BRCA2: variants seen among roughly 807,000 people sequenced by gnomAD.
The protein encoded by BRCA2 is BRCA2 DNA repair associated, also known as breast cancer type 2 susceptibility protein.
In BRCA2, 203 loss-of-function variants were observed where a neutral mutation model predicts 276.7. The observed-to-expected ratio is 0.73, with a 90% CI of 0.65 to 0.82. BRCA2 has a LOEUF of 0.82. BRCA2 is among the 40% of genes least tolerant of loss of function. The pLI is 0.00. For synonymous variants in BRCA2, 1,289 were observed against 1,338.4 expected, an observed-to-expected ratio of 0.96 and a Z score of 0.81; for missense variants, 3,920 against 3,915.0, an observed-to-expected ratio of 1.00 and a Z score of -0.03.
intron 20 of BRCA2, chr13:32,375,286 C>T: frequency 5.3e-6 from 2 of 378,086 alleles, no homozygotes; most frequent in South Asian, 4.3e-5. Flanking sequence ...AATTCAGTCA[C>T]ATCTTCAGGC....
intron 24 of BRCA2, among the ~76,000 whole-genome samples, chr13:32,383,252 C>T (rs1040709922): frequency 1.3e-5 from 2 of 150,084 alleles, no homozygotes; most frequent in African/African-American, 2.4e-5. Context: ...CTCAGCTACT[C>T]GGGAGGCAGA....
Position 32,339,432 on chromosome 13 carries a change from C to CT in BRCA2, c.5079dup (p.Arg1694Ter), listed in dbSNP as rs1198183540. ...TTCATTACTTGAAGCAAAAAAATGG[C>CT]TTAGAGAAGGAATATTTGATGGTCA... is the stretch of plus-strand genomic sequence containing the variant. On this transcript the variant is annotated frameshift_variant, in exon 11 of 27. Coordinates refer to ENST00000380152, the MANE Select transcript of BRCA2 (RefSeq NM_000059.4). LOFTEE classifies it high-confidence loss of function. 1 of 1,592,202 alleles carries CT rather than the reference C, an allele frequency of 6.3e-7. No homozygotes were observed. The highest frequency in any genetic ancestry group is 2.2e-5 in the East Asian group (1 of 44,634).
chr13:32,322,243 A>C (rs779438752), intron 3 of BRCA2, among the ~76,000 whole-genome samples: 10 of 152,236 alleles, frequency 6.6e-5, no homozygotes, highest in Non-Finnish European at 1.0e-4. Context: ...AATCATACAG[A>C]ATATAGCATT....
At position 32,363,417 on chromosome 13, in the gene BRCA2, G is replaced by A. The variant is rs80359069; in HGVS notation, c.8215G>A (p.Val2739Ile). ...CCAGTTAGATCCTCCCCTCTTAGCT[G>A]TCTTAAAGAATGGCAGACTGACAGT... ...KAQLDPPLLA[V>I]LKNGRLTVGQ... The change falls in exon 18 of 27, where the codon GTC (valine) becomes ATC (isoleucine). Residue 2739 changes from valine to isoleucine, a missense_variant. Physicochemically the swap from Val to Ile is conservative, Grantham distance 29. Transcript: ENST00000380152. The A allele has an allele frequency of 1.9e-5, 31 of 1,614,052 alleles. No homozygotes were observed. The Admixed American group carries it at 2.2e-4, about 11-fold the overall frequency.
At chr13:32,358,613 G>A (rs780882224) in intron 16 of BRCA2, among the ~76,000 whole-genome samples, 1 of 150,664 alleles carries the variant, frequency 6.6e-6, no homozygotes, top group Non-Finnish European at 1.5e-5. Context: ...GCAACATGGT[G>A]AAAACCCATC....
intron 12 of BRCA2, among the ~76,000 whole-genome samples, chr13:32,345,068 G>T (rs1177070582): frequency 6.6e-6 from 1 of 151,992 alleles, no homozygotes; most frequent in Admixed American, 6.6e-5. Context: ...CCAGATACAA[G>T]CTTCCCAAAA....
In BRCA2 at chr13:32,340,527, T is replaced by C. The variant is rs80358857; in HGVS notation, c.6172T>C (p.Phe2058Leu). ...NVVNSSAFSG[F>L]STASGKQVSI... ...GGTAAATTCATCTGCTTTCTCTGGA[T>C]TTAGTACAGCAAGTGGAAAGCAAGT... is the stretch of plus-strand genomic sequence containing the variant. The change falls in exon 11 of 27, where the codon TTT (phenylalanine) becomes CTT (leucine). Residue 2058 changes from phenylalanine to leucine, a missense_variant. This residue lies in a region of BRCA2 where 3,263 missense variants were observed against 3,156.9 expected (regional missense o/e 1.03). Coordinates refer to ENST00000380152, the MANE Select transcript of BRCA2 (RefSeq NM_000059.4). 1.2e-6 allele frequency: 2 copies of C among 1,613,548 alleles called. No homozygotes were observed. The highest frequency in any genetic ancestry group is 4.5e-5 in the East Asian group (2 of 44,830).
intron 12 of BRCA2, among the ~76,000 whole-genome samples, chr13:32,345,906 T>G (rs2072608154): frequency 6.6e-6 from 1 of 152,030 alleles, no homozygotes; most frequent in Admixed American, 6.6e-5. Context: ...ATTTTCAGAT[T>G]AGGGATACTC....
intron 24 of BRCA2, among the ~76,000 whole-genome samples, chr13:32,393,251 A>C (rs996122917): frequency 1.5e-4 from 23 of 152,206 alleles, no homozygotes; most frequent in Non-Finnish European, 2.9e-5. Context: ...ACTAGCATTC[A>C]TCAGTTGATT....
intron 20 of BRCA2, among the ~76,000 whole-genome samples, chr13:32,376,273 A>G (rs2072870950): frequency 2.0e-5 from 3 of 152,034 alleles, no homozygotes; most frequent in African/African-American, 7.2e-5. Context: ...CTGTAATCCC[A>G]ACAGTTTGGG....
In BRCA2 at chr13:32,333,237, A is replaced by C; in HGVS notation, c.1759A>C (p.Thr587Pro). The C allele has an allele frequency of 1.2e-6, 2 of 1,612,768 alleles. No individual in the cohort carries two copies. Among genetic ancestry groups the C allele is most frequent in the Non-Finnish European group, 1.7e-6 (2 of 1,179,226 alleles). ...TTTAATATCCACTTTGAAAAAGAAA[A>C]CAAATAAGTTTATTTATGCTATACA... is the stretch of plus-strand genomic sequence containing the variant. ...AGLISTLKKK[T>P]NKFIYAIHDE... is the part of the protein sequence containing the mutation. Residue 587 changes from threonine to proline, a missense_variant, in exon 10 of 27, where the codon ACA (threonine) becomes CCA (proline). By Grantham distance (38) the Thr-to-Pro change is conservative. Transcript: ENST00000380152.
intron 24 of BRCA2, among the ~76,000 whole-genome samples, chr13:32,393,830 A>G (rs548101645): frequency 2.0e-5 from 3 of 152,212 alleles, no homozygotes; most frequent in Admixed American, 6.5e-5. Flanking sequence ...GGGTATGTGA[A>G]GTATCACTGT....
rs1060502387 is a variant in BRCA2 at position 32,332,960 on chromosome 13, G to A, written c.1482G>A (p.Val494=). ...VKQAISGTSP[V]ASSFQGIKKS... ...AGGCAATATCTGGAACTTCTCCAGT[G>A]GCTTCTTCATTTCAGGGTATCAAAA... is the stretch of plus-strand genomic sequence containing the variant. Residue 494 remains valine (V), a synonymous_variant, in exon 10 of 27, where the codon GTG becomes GTA. Transcript: ENST00000380152. The A allele has an allele frequency of 6.2e-7, 1 of 1,601,086 alleles. No individual in the cohort carries two copies. The highest frequency in any genetic ancestry group is 8.5e-7 in the Non-Finnish European group (1 of 1,176,994).
At chr13:32,325,547 T>TG (rs2072338619) in intron 4 of BRCA2, among the ~76,000 whole-genome samples, 1 of 150,758 alleles carries the variant, frequency 6.6e-6, no homozygotes, top group Non-Finnish European at 1.5e-5. Flanking sequence ...ATTTTTTTTT[T>TG]GTTTTTTTTT....
intron 17 of BRCA2, among the ~76,000 whole-genome samples, 163 bp from the exon 18 acceptor site, chr13:32,363,016 A>G (rs1432198015): frequency 6.6e-6 from 1 of 152,144 alleles, no homozygotes. Flanking sequence ...AATAATTGAT[A>G]TTTTAACAAT....
chr13:32,386,802 C>A (rs2072964064), intron 24 of BRCA2, among the ~76,000 whole-genome samples: 1 of 152,140 alleles, frequency 6.6e-6, no homozygotes, highest in Non-Finnish European at 1.5e-5. Context: ...GGTTCTAGAT[C>A]ATTTTTCCCA....
At position 32,362,609 on chromosome 13, in the gene BRCA2, T is replaced by C. The variant is rs2072746856; in HGVS notation, c.7892T>C (p.Leu2631Pro). Residue 2631 changes from leucine to proline, a missense_variant, in exon 17 of 27, where the codon CTG (leucine) becomes CCG (proline). Transcript: ENST00000380152. The stretch of plus-strand genomic sequence containing the variant: ...CACTATAGATGGATCATATGGAAAC[T>C]GGCAGCTATGGAATGTGCCTTTCCT... The part of the protein sequence containing the change: ...YNHYRWIIWK[L>P]AAMECAFPKE... 6.2e-7 allele frequency: 1 copy of C among 1,614,210 alleles called. No individual in the cohort carries two copies. The highest frequency in any genetic ancestry group is 8.5e-7 in the Non-Finnish European group (1 of 1,180,020).
At position 32,364,438 on chromosome 13, in the gene BRCA2, G is replaced by A. The variant is rs531945724; in HGVS notation, c.8331+905G>A. ...TCTCTCTTCAGTTTAGACAGCAACC[G>A]TTAACTTCCTGCTATGGAAAATGAG... On this transcript the variant is annotated intron_variant, in intron 18 of 26. Coordinates refer to ENST00000380152, the MANE Select transcript of BRCA2 (RefSeq NM_000059.4). 9.9e-5 allele frequency among the ~76,000 whole-genome samples: 15 copies of A among 152,136 alleles called. No individual in the cohort carries two copies. The South Asian group carries it at 1.9e-3, about 19-fold the overall frequency.
chr13:32,340,954 T>C lies in BRCA2; in HGVS notation c.6599T>C (p.Phe2200Ser), dbSNP rs1372423132. 1 of 1,609,282 alleles carries C rather than the reference T, an allele frequency of 6.2e-7. No individual in the cohort carries two copies. The highest frequency in any genetic ancestry group is 1.7e-5 in the Admixed American group (1 of 58,976). Residue 2200 changes from phenylalanine (F) to serine (S), a missense_variant, in exon 11 of 27, where the codon TTT (phenylalanine) becomes TCT (serine). Physicochemically the swap from Phe to Ser is radical, Grantham distance 155 (BLOSUM62 -2). Coordinates refer to ENST00000380152, the MANE Select transcript of BRCA2 (RefSeq NM_000059.4). Reference protein sequence around the residue: ...VKMEIGKTETFSDVPVKTNIE... With the variant: ...VKMEIGKTETSSDVPVKTNIE... The stretch of plus-strand genomic sequence containing the variant: ...ATGGAAATTGGTAAAACTGAAACTT[T>C]TTCTGATGTTCCTGTGAAAACAAAT...
Sources: allele counts gnomAD v4.1 joint callset (sites outside exome capture counted in the v4.1 genomes callset), GRCh38; gene constraint gnomAD v4.1.1; regional missense constraint gnomAD v4.1.1; transcripts MANE v1.5; gene names NCBI Gene and HGNC (gene_info 2026-07-23, HGNC 2026-07-21).